Variants in FBXL13 observed in about 807,000 individuals in gnomAD.
FBXL13 encodes F-box and leucine-rich repeat protein 13.
Under a neutral mutation model 83.6 loss-of-function variants are expected in FBXL13, and 67 were observed. That is an observed-to-expected ratio of 0.80 (90% CI 0.66 to 0.98). The LOEUF is 0.98. Ranked by LOEUF, FBXL13 falls within the 50% of genes least tolerant of loss-of-function variation. The probability of loss-of-function intolerance (pLI) is 0.00; values close to 1 mark genes in which losing one functional copy is unlikely to be tolerated. For missense variants in FBXL13, 822 were observed against 866.5 expected, an observed-to-expected ratio of 0.95 and a Z score of 0.64; for synonymous variants, 272 against 299.5, an observed-to-expected ratio of 0.91 and a Z score of 0.95.
chr7:102,856,014 C>A (rs1465365872), intron 16 of FBXL13, among the ~76,000 whole-genome samples: 2 of 151,676 alleles, frequency 1.3e-5, no homozygotes, highest in Non-Finnish European at 2.9e-5. Flanking sequence ...TCTGTGAATT[C>A]TTTTAACTTT....
At chr7:102,960,146 A>G (rs1280416579) in intron 8 of FBXL13, among the ~76,000 whole-genome samples, 1 of 152,050 alleles carries the variant, frequency 6.6e-6, no homozygotes, top group Non-Finnish European at 1.5e-5. Context: ...GAAAAAATTG[A>G]TGATCCATAG....
rs938057924 is a variant in FBXL13, at chr7:102,833,094, C to A, written c.1720-120G>T. On this transcript the variant is annotated intron_variant, in intron 17 of 19. Transcript: ENST00000313221. ...GAAATACAGATGTTAGATCTTGATG[C>A]CCCCAAAAAATAATTTAAAAAACCC... 4.6e-4 allele frequency: 464 copies of A among 1,018,596 alleles called. 4 individuals carry two copies. The highest frequency in any genetic ancestry group is 9.1e-5 in the Non-Finnish European group (65 of 716,776). The allele number at this position is 1,018,596 out of a possible 1,614,324, so 63.1% of individuals were successfully genotyped here.
rs527413528 is a variant in FBXL13, at chr7:102,822,335, C to T, written c.1855-132G>A. On this transcript the variant is annotated intron_variant, in intron 18 of 19. Transcript: ENST00000313221. ...TTAAACATCAAACATTTATTTCTCA[C>T]AGTTCTAGAGGCTGGGAAGTCCAAG... 642 of 876,470 alleles carry T rather than the reference C, an allele frequency of 7.3e-4. 2 individuals carry two copies. Among genetic ancestry groups the T allele is most frequent in the Middle Eastern group, 2.8e-3 (13 of 4,702 alleles). 54.3% of individuals were successfully genotyped at this position (876,470 alleles called of 1,614,324 possible). A position where few individuals can be genotyped will look rare whatever the true frequency, so the allele number is the denominator to read the frequency against.
intron 6 of FBXL13, among the ~76,000 whole-genome samples, chr7:103,018,232 T>C (rs531459595): frequency 6.6e-6 from 1 of 152,246 alleles, no homozygotes; most frequent in Admixed American, 6.5e-5. Context: ...CTAAGCTTCA[T>C]AAGTGAAGGA....
intron 6 of FBXL13, among the ~76,000 whole-genome samples, chr7:102,979,260 A>C (rs959577162): frequency 6.6e-6 from 1 of 152,182 alleles, no homozygotes; most frequent in African/African-American, 2.4e-5. Context: ...TTTCAAGAAG[A>C]AATGGGTCCC....
chr7:102,900,288 G>C (rs1382213505), intron 11 of FBXL13, among the ~76,000 whole-genome samples: 1 of 152,132 alleles, frequency 6.6e-6, no homozygotes, highest in Non-Finnish European at 1.5e-5. Context: ...AGCTCCTAAA[G>C]GACAGGGAGG....
chr7:102,857,259 C>T (rs1170340039), intron 16 of FBXL13, among the ~76,000 whole-genome samples: 1 of 152,012 alleles, frequency 6.6e-6, no homozygotes, highest in South Asian at 2.1e-4. Context: ...AGATTATACA[C>T]AACAAAGGAA....
intron 19 of FBXL13, among the ~76,000 whole-genome samples, chr7:102,819,262 C>T (rs887015869): frequency 6.6e-6 from 1 of 152,030 alleles, no homozygotes; most frequent in Non-Finnish European, 1.5e-5. Flanking sequence ...AATAGCTTGT[C>T]GTTTTCTGAT....
At chr7:102,912,683 C>G (rs934836855) in intron 11 of FBXL13, among the ~76,000 whole-genome samples, 3 of 126,256 alleles carry the variant, frequency 2.4e-5, no homozygotes, top group Admixed American at 7.6e-5. Context: ...CCCCCCCCCC[C>G]CAAAAAAAAA....
chr7:102,941,367 C>A (rs1221531293), intron 8 of FBXL13, among the ~76,000 whole-genome samples: 2 of 152,086 alleles, frequency 1.3e-5, no homozygotes, highest in Non-Finnish European at 2.9e-5. Flanking sequence ...CTCACTTCGA[C>A]CCCCTATGAT....
intron 2 of FBXL13, among the ~76,000 whole-genome samples, chr7:103,036,534 T>C (rs542657412): frequency 6.6e-6 from 1 of 152,300 alleles, no homozygotes; most frequent in African/African-American, 2.4e-5. Flanking sequence ...TATTTATTTA[T>C]TTTTGAGACA....
chr7:102,826,612 C>A (rs1434688257), intron 18 of FBXL13, among the ~76,000 whole-genome samples: 1 of 149,472 alleles, frequency 6.7e-6, no homozygotes, highest in Non-Finnish European at 1.5e-5. Flanking sequence ...AGTAGTCCAG[C>A]TACTCAGGAG....
chr7:103,042,883 G>C (rs1795875906), intron 2 of FBXL13, among the ~76,000 whole-genome samples: 1 of 152,138 alleles, frequency 6.6e-6, no homozygotes, highest in African/African-American at 2.4e-5. Context: ...GAAAACCTAA[G>C]CAATACCATT....
intron 2 of FBXL13, chr7:103,031,152 G>A (rs1172203886): frequency 6.6e-6 from 1 of 152,246 alleles, no homozygotes; most frequent in Non-Finnish European, 1.5e-5. Context: ...GGGTGGGCAT[G>A]TGTTGACTTC....
chr7:102,942,277 T>C, intron 8 of FBXL13: 1 of 1,590,872 alleles, frequency 6.3e-7, no homozygotes, highest in Non-Finnish European at 8.5e-7. Context: ...ATGAAAGGTC[T>C]CCTATATTTC....
At chr7:102,959,359 G>A (rs561571044) in intron 8 of FBXL13, among the ~76,000 whole-genome samples, 4 of 151,978 alleles carry the variant, frequency 2.6e-5, no homozygotes, top group East Asian at 1.9e-4. Flanking sequence ...ACTGTCTTGC[G>A]TTTGGAGTTT....
intron 6 of FBXL13, among the ~76,000 whole-genome samples, chr7:103,017,764 A>C (rs985744031): frequency 8.1e-5 from 12 of 148,866 alleles, no homozygotes; most frequent in Non-Finnish European, 1.6e-4. Flanking sequence ...TGAGAAGACA[A>C]GTTTAGAGAA....
chr7:102,864,490 T>C (rs896771181), intron 16 of FBXL13, among the ~76,000 whole-genome samples: 3 of 152,108 alleles, frequency 2.0e-5, no homozygotes, highest in African/African-American at 7.2e-5. Context: ...TGCCTCAGCC[T>C]CCCAAATAGC....
intron 11 of FBXL13, among the ~76,000 whole-genome samples, chr7:102,892,686 A>T (rs917163244): frequency 1.3e-5 from 2 of 152,212 alleles, no homozygotes; most frequent in Admixed American, 1.3e-4. Flanking sequence ...TTTTTTAACC[A>T]TATGTAGTAT....
Sources: allele counts gnomAD v4.1 joint callset (sites outside exome capture counted in the v4.1 genomes callset), GRCh38; gene constraint gnomAD v4.1.1; transcripts MANE v1.5; gene names NCBI Gene and HGNC (gene_info 2026-07-23, HGNC 2026-07-21).